The following CCDC18 variants were observed in gnomAD, a reference collection of about 807,000 sequenced individuals.
CCDC18 encodes the protein coiled-coil domain-containing protein 18.
In CCDC18, 157 loss-of-function variants were observed where a neutral mutation model predicts 196.0. The observed-to-expected ratio is 0.80, with a 90% CI of 0.70 to 0.91. The LOEUF (loss-of-function observed/expected upper bound fraction) is 0.91, where lower values mean the gene tolerates loss of function less well. CCDC18 is among the 40% of genes least tolerant of loss of function. The probability of loss-of-function intolerance (pLI) is 0.00; values close to 1 mark genes in which losing one functional copy is unlikely to be tolerated. For missense variants in CCDC18, 1,465 were observed against 1,611.6 expected (o/e 0.91, Z 1.56); for synonymous variants, 482 against 529.2 (o/e 0.91, Z 1.22).
At chr1:93,256,809 C>G (rs1481948210) in intron 25 of CCDC18, among the ~76,000 whole-genome samples, 1 of 152,110 alleles carries the variant, frequency 6.6e-6, no homozygotes, top group East Asian at 1.9e-4. Flanking sequence ...TTTGGCTAAA[C>G]TAGTTCTCAA....
chr1:93,241,620 G>A (rs889781252), intron 21 of CCDC18, among the ~76,000 whole-genome samples: 2 of 149,848 alleles, frequency 1.3e-5, no homozygotes, highest in East Asian at 4.0e-4. Context: ...TACTCAGGAG[G>A]CTGAGGCAGG....
intron 6 of CCDC18, among the ~76,000 whole-genome samples, chr1:93,194,468 A>C (rs1402632198): frequency 1.3e-5 from 2 of 152,202 alleles, no homozygotes; most frequent in Non-Finnish European, 2.9e-5. Context: ...GAAAATGCGT[A>C]GGTTTTGGAG....
chr1:93,272,107 CTATT>C (rs1294957081), intron 28 of CCDC18, among the ~76,000 whole-genome samples: 1 of 152,138 alleles, frequency 6.6e-6, no homozygotes. Flanking sequence ...CAGTTAAAAA[CTATT>C]TTTTTGGAAT....
In CCDC18 at chr1:93,216,724, CA is replaced by C; in HGVS notation, c.1809del (p.Glu604AsnfsTer2). ...VAYSSIAAKN[A>X]ELEQELMEKN... ...TATTCCTCTATTGCTGCAAAAAATG[CA>C]GAACTAGAACAGGAGCTTATGGTAA... is the stretch of plus-strand genomic sequence containing the variant. On this transcript the variant is annotated frameshift_variant, in exon 13 of 29. Coordinates refer to ENST00000690025, the MANE Select transcript of CCDC18 (RefSeq NM_001378204.1). LOFTEE classifies it high-confidence loss of function. 6.4e-7 allele frequency: 1 copy of C among 1,571,554 alleles called. No homozygotes were observed. Among genetic ancestry groups the C allele is most frequent in the East Asian group, 2.3e-5 (1 of 43,400 alleles).
chr1:93,191,058 C>A, intron 4 of CCDC18: 1 of 806,188 alleles, frequency 1.2e-6, no homozygotes, highest in Non-Finnish European at 2.1e-6. Context: ...GAATGTTCAC[C>A]ATGTTTGCGG....
chr1:93,270,419 G>T lies in CCDC18; in HGVS notation c.3958G>T (p.Ala1320Ser). Residue 1320 changes from alanine (A) to serine (S), a missense_variant, in exon 28 of 29, where the codon GCC (alanine) becomes TCC (serine). Coordinates refer to ENST00000690025, the MANE Select transcript of CCDC18 (RefSeq NM_001378204.1). ...GGCAGAAGACATCAAGTTTCTGCCAGCCCCATTTACATCTCCAACAGAAAT... is the reference window on the plus strand; with the variant it reads ...GGCAGAAGACATCAAGTTTCTGCCATCCCCATTTACATCTCCAACAGAAAT... ...EKAEDIKFLP[A>S]PFTSPTEIMP... is the part of the protein sequence containing the mutation. The T allele has an allele frequency of 6.5e-7, 1 of 1,550,378 alleles. No individual in the cohort carries two copies. The highest frequency in any genetic ancestry group is 8.7e-7 in the Non-Finnish European group (1 of 1,146,846).
chr1:93,276,824 T>G (rs371441411), intron 28 of CCDC18, among the ~76,000 whole-genome samples: 9 of 151,856 alleles, frequency 5.9e-5, no homozygotes, highest in East Asian at 5.8e-4. Flanking sequence ...GTGTTTCTCG[T>G]AAGGTGGGAC....
chr1:93,266,207 G>C (rs373283218), intron 27 of CCDC18, among the ~76,000 whole-genome samples: 1 of 152,152 alleles, frequency 6.6e-6, no homozygotes, highest in Admixed American at 6.6e-5. Flanking sequence ...GGTACATAAC[G>C]AAATGAAGGC....
chr1:93,186,286 T>A, intron 3 of CCDC18, 59 bp from the exon 4 acceptor site: 1 of 1,478,546 alleles, frequency 6.8e-7, no homozygotes, highest in Non-Finnish European at 9.2e-7. Flanking sequence ...TTCCATTAAT[T>A]ACATGTAACC....
intron 11 of CCDC18, among the ~76,000 whole-genome samples, chr1:93,213,707 A>G (rs1047621822): frequency 6.6e-6 from 1 of 152,108 alleles, no homozygotes. Context: ...AACATACTGT[A>G]TAGGACTTCA....
chr1:93,241,707 G>C (rs1197120005), intron 21 of CCDC18, among the ~76,000 whole-genome samples: 1 of 118,160 alleles, frequency 8.5e-6, no homozygotes, highest in African/African-American at 3.5e-5. Flanking sequence ...CTGAGTGACA[G>C]AGTGAGACTC....
intron 23 of CCDC18, among the ~76,000 whole-genome samples, chr1:93,250,378 C>CAAAA (rs71094242): frequency 1.1e-5 from 1 of 89,424 alleles, no homozygotes; most frequent in African/African-American, 3.7e-5. Context: ...GAGACCCTGT[C>CAAAA]AAAAAAAAAA....
At chr1:93,195,809 T>TA (rs1652631337) in intron 6 of CCDC18, among the ~76,000 whole-genome samples, 3 of 152,226 alleles carry the variant, frequency 2.0e-5, no homozygotes, top group Admixed American at 2.0e-4. Flanking sequence ...CTGTGAGAAA[T>TA]ACATTTCTGT....
At chr1:93,274,445 C>CAGAT (rs1179165109) in intron 28 of CCDC18, among the ~76,000 whole-genome samples, 3 of 152,020 alleles carry the variant, frequency 2.0e-5, no homozygotes, top group Non-Finnish European at 4.4e-5. Context: ...TACTACATAA[C>CAGAT]AGATAGAATA....
chr1:93,193,612 A>G lies in CCDC18; in HGVS notation c.570-4A>G. The G allele has an allele frequency of 6.4e-7, 1 of 1,570,046 alleles. No individual in the cohort carries two copies. On this transcript the variant is annotated splice_region_variant and splice_polypyrimidine_tract_variant and intron_variant, in intron 5 of 28. Transcript: ENST00000690025. ...TCTTAAACAAAGTATCCTTTATTTT[A>G]TAGAGAGGCAGAAAATAAGCTGGAA...
chr1:93,243,361 G>T (rs1013307013), intron 21 of CCDC18, among the ~76,000 whole-genome samples: 1 of 152,182 alleles, frequency 6.6e-6, no homozygotes, highest in Non-Finnish European at 1.5e-5. Flanking sequence ...TTCCGCCACA[G>T]CTACAGTGAC....
chr1:93,213,083 G>C (rs1330616372), intron 11 of CCDC18, among the ~76,000 whole-genome samples: 1 of 152,154 alleles, frequency 6.6e-6, no homozygotes, highest in African/African-American at 2.4e-5. Context: ...CCGCTAATCT[G>C]ACAGGAGGTA....
Position 93,221,878 on chromosome 1 carries a change from T to A in CCDC18, c.2117T>A (p.Met706Lys). The change falls in exon 16 of 29, where the codon ATG (methionine) becomes AAG (lysine). Residue 706 changes from methionine to lysine, a missense_variant. Met to Lys is a moderately conservative substitution (Grantham distance 95). Transcript: ENST00000690025. Reference sequence around the variant, plus strand: ...TTTTAGGAAATGAAAAAGGAAAATATGAAGAAAGATGAAGCTTTAAAAGCA... The same window carrying A: ...TTTTAGGAAATGAAAAAGGAAAATAAGAAGAAAGATGAAGCTTTAAAAGCA... ...ESKGEMKKEN[M>K]KKDEALKALQ... 6.2e-7 allele frequency: 1 copy of A among 1,601,716 alleles called. No homozygotes were observed. Among genetic ancestry groups the A allele is most frequent in the Non-Finnish European group, 8.5e-7 (1 of 1,172,212 alleles).
chr1:93,256,423 T>A lies in CCDC18; in HGVS notation c.3431T>A (p.Val1144Glu), dbSNP rs943021578. The A allele has an allele frequency of 6.2e-7, 1 of 1,614,100 alleles. No individual in the cohort carries two copies. Among genetic ancestry groups the A allele is most frequent in the Admixed American group, 1.7e-5 (1 of 60,024 alleles). ...GAATTGAGGCTGACCCGGGAGCAGG[T>A]GCAGAACTCTCATACAGAATTGGCA... ...GQELRLTREQ[V>E]QNSHTELAEA... Residue 1144 changes from valine (V) to glutamate (E), a missense_variant, in exon 25 of 29, where the codon GTG becomes GAG. Coordinates refer to ENST00000690025, the MANE Select transcript of CCDC18 (RefSeq NM_001378204.1).
Sources: gnomAD v4.1 joint callset for allele counts (sites outside exome capture counted in the v4.1 genomes callset) on GRCh38, gnomAD v4.1.1 for gene constraint, MANE v1.5 for transcripts, NCBI Gene and HGNC (gene_info 2026-07-23, HGNC 2026-07-21) for gene names.